The following SART1 variants were observed in gnomAD, a reference collection of about 807,000 sequenced individuals.
The protein encoded by SART1 is spliceosome associated factor 1, recruiter of U4/U6.U5 tri-snRNP.
SART1 carries 28 observed loss-of-function variants against 105.0 expected under a neutral mutation model. The observed-to-expected ratio is 0.27, with a 90% confidence interval of 0.20 to 0.37. SART1 has a LOEUF of 0.37. Ranked by LOEUF, SART1 falls within the 10% of genes least tolerant of loss-of-function variation. SART1 has a pLI of 1.00. For missense variants in SART1, 894 were observed against 1,106.5 expected (o/e 0.81, Z 2.72); for synonymous variants, 472 against 462.9 (o/e 1.02, Z -0.25).
chr11:65,967,878 C>T, intron 12 of SART1, 57 bp downstream of exon 12: 3 of 1,389,952 alleles, frequency 2.2e-6, no homozygotes, highest in Non-Finnish European at 2.9e-6. Context: ...CTCACGAGCA[C>T]CTGTGTCATA....
At chr11:65,962,757 A>AG (rs1421066508) in intron 1 of SART1, among the ~76,000 whole-genome samples, 1 of 152,212 alleles carries the variant, frequency 6.6e-6, no homozygotes, top group African/African-American at 2.4e-5. Flanking sequence ...GCTATAGGCC[A>AG]GGGGAGGGCT....
chr11:65,977,527 G>C lies in SART1; in HGVS notation c.1946-36G>C, dbSNP rs751938796. 5.7e-6 allele frequency: 9 copies of C among 1,579,418 alleles called. No homozygotes were observed. In the East Asian group the frequency reaches 9.0e-5, roughly 16 times the overall value. On this transcript the variant is annotated intron_variant, in intron 15 of 19. Transcript: ENST00000312397. ...AGGCGGCCCTGGAGCTGTGGCTCTC[G>C]AGGGGTTGGGAGTCTCACAACCCCT...
chr11:65,966,032 G>A (rs1053067936), intron 7 of SART1, 44 bp from the exon 8 acceptor site: 73 of 1,613,856 alleles, frequency 4.5e-5, no homozygotes, highest in Non-Finnish European at 6.2e-5. Context: ...CCTCTGCTGA[G>A]TTGCGGACAA....
At chr11:65,963,380 G>T (rs1234503350) in intron 1 of SART1, among the ~76,000 whole-genome samples, 1 of 152,168 alleles carries the variant, frequency 6.6e-6, no homozygotes, top group Non-Finnish European at 1.5e-5. Context: ...GGGGAGCCTG[G>T]AGAGGTTGGG....
chr11:65,979,609 A>G lies in SART1; in HGVS notation c.*579A>G, dbSNP rs116126957. 1,009 of 153,900 alleles carry G rather than the reference A, an allele frequency of 6.6e-3. 6 individuals carry two copies. The highest frequency in any genetic ancestry group is 0.022 in the African/African-American group (922 of 41,488). The allele number at this position is 153,900 out of a possible 1,614,324, so 9.5% of individuals were successfully genotyped here. ...CCGTGTACAGTGACCCAGAAAGATGAGATTCCTTGGCCTGAACTCTGTGAT... is the reference window on the plus strand; with the variant it reads ...CCGTGTACAGTGACCCAGAAAGATGGGATTCCTTGGCCTGAACTCTGTGAT... On this transcript the variant is annotated 3_prime_UTR_variant, in exon 20 of 20. Coordinates refer to ENST00000312397, the MANE Select transcript of SART1 (RefSeq NM_005146.5).
At chr11:65,972,721 A>AGACT (rs1192576675) in intron 12 of SART1, among the ~76,000 whole-genome samples, 1 of 151,776 alleles carries the variant, frequency 6.6e-6, no homozygotes, top group Non-Finnish European at 1.5e-5. Context: ...CAGCTATGAT[A>AGACT]GACTATAGCT....
Position 65,980,059 on chromosome 11 carries a change from G to T in SART1, c.*1029G>T, listed in dbSNP as rs1210732066. 6.6e-6 allele frequency among the ~76,000 whole-genome samples: 1 copy of T among 152,062 alleles called. No homozygotes were observed. Among genetic ancestry groups the T allele is most frequent in the African/African-American group, 2.4e-5 (1 of 41,376 alleles). The stretch of plus-strand genomic sequence containing the variant: ...ACCTGGGAGACACAGGCTGCAGTGG[G>T]CCCTGATTGAGCCACCACACTGCAG... On this transcript the variant is annotated 3_prime_UTR_variant, in exon 20 of 20. Transcript: ENST00000312397.
At position 65,965,828 on chromosome 11, in the gene SART1, C is replaced by T. The variant is rs143497003; in HGVS notation, c.738+49C>T. On this transcript the variant is annotated intron_variant, in intron 6 of 19. Coordinates refer to ENST00000312397, the MANE Select transcript of SART1 (RefSeq NM_005146.5). ...CAGGGGACACTGGTGGCCTTGCTAC[C>T]GGAATCCCGAGGTTGGGTGCGTGGA... The T allele has an allele frequency of 1.8e-4, 297 of 1,613,160 alleles. No individual in the cohort carries two copies. The African/African-American group carries it at 2.8e-3, about 15-fold the overall frequency.
At position 65,977,117 on chromosome 11, in the gene SART1, C is replaced by G; in HGVS notation, c.1945+16C>G. On this transcript the variant is annotated intron_variant, in intron 15 of 19. Coordinates refer to ENST00000312397, the MANE Select transcript of SART1 (RefSeq NM_005146.5). ...CAGAACAAAGGTAGGGAGCTCAGGG[C>G]AGCCATGACTTGGGTGGGCTTGGGT... 6.2e-7 allele frequency: 1 copy of G among 1,603,106 alleles called. No homozygotes were observed. The highest frequency in any genetic ancestry group is 2.2e-5 in the East Asian group (1 of 44,844).
At position 65,967,662 on chromosome 11, in the gene SART1, C is replaced by T. The variant is rs1417006624; in HGVS notation, c.1430-17C>T. 1 of 1,580,650 alleles carries T rather than the reference C, an allele frequency of 6.3e-7. No individual in the cohort carries two copies. The highest frequency in any genetic ancestry group is 1.1e-5 in the South Asian group (1 of 87,380). On this transcript the variant is annotated splice_polypyrimidine_tract_variant and intron_variant, in intron 11 of 19. Transcript: ENST00000312397. Reference sequence around the variant, plus strand: ...GGAGGAGATGGTCTGAGCAGGCATCCCCTGTGTTTCCCCCAGAGGAAGGTG... The same window carrying T: ...GGAGGAGATGGTCTGAGCAGGCATCTCCTGTGTTTCCCCCAGAGGAAGGTG...
chr11:65,976,477 T>C lies in SART1; in HGVS notation c.1655T>C (p.Val552Ala). 1 of 1,575,390 alleles carries C rather than the reference T, an allele frequency of 6.3e-7. No individual in the cohort carries two copies. The highest frequency in any genetic ancestry group is 8.6e-7 in the Non-Finnish European group (1 of 1,161,276). ...GATCCCGAGCGGAAGGGGGCCATCG[T>C]GTTCAACGCCACGTCCGAGTTCTGC... ...DEDPERKGAIVFNATSEFCRT... is the reference protein window; with the variant it reads ...DEDPERKGAIAFNATSEFCRT... The change falls in exon 13 of 20, where the codon GTG (valine) becomes GCG (alanine). Residue 552 changes from valine to alanine, a missense_variant. Transcript: ENST00000312397. This position sits in a 1 kb window ranked among gnomAD's most constrained non-coding sequence, Gnocchi z 5.1.
chr11:65,967,863 C>T (rs896786824), intron 12 of SART1, 42 bp downstream of exon 12: 7 of 1,448,706 alleles, frequency 4.8e-6, no homozygotes, highest in East Asian at 2.5e-5. Context: ...CAGCAGTCAC[C>T]TGTCCTCACG....
Position 65,976,384 on chromosome 11 carries a change from C to T in SART1, c.1573-11C>T. 2 of 1,524,070 alleles carry T rather than the reference C, an allele frequency of 1.3e-6. No homozygotes were observed. Among genetic ancestry groups the T allele is most frequent in the African/African-American group, 1.4e-5 (1 of 71,970 alleles). 94.4% of individuals were successfully genotyped at this position (1,524,070 alleles called of 1,614,324 possible). A position where few individuals can be genotyped will look rare whatever the true frequency, so the allele number is the denominator to read the frequency against. On this transcript the variant is annotated splice_polypyrimidine_tract_variant and intron_variant, in intron 12 of 19. Transcript: ENST00000312397. This position sits in a 1 kb window ranked among gnomAD's most constrained non-coding sequence, Gnocchi z 5.1. ...ACTGCTGGGTTTGCCCACAGCCGCT[C>T]CCTCCCCCAGGTGGTGGAGATTGTG...
Position 65,962,047 on chromosome 11 carries a change from C to T in SART1, c.267C>T (p.Ser89=), listed in dbSNP as rs766048167. The T allele has an allele frequency of 1.4e-6, 2 of 1,396,136 alleles. No homozygotes were observed. The highest frequency in any genetic ancestry group is 2.5e-5 in the South Asian group (2 of 78,876). 86.5% of individuals were successfully genotyped at this position (1,396,136 alleles called of 1,614,324 possible). Residue 89 remains serine, a synonymous_variant, in exon 1 of 20, where the codon TCC becomes TCT. Coordinates refer to ENST00000312397, the MANE Select transcript of SART1 (RefSeq NM_005146.5). ...GGGAGCGCAGCCAGGCAGAGCCCTCCGAGCGGCGCGTGAAGCGGGAGAAGC... is the reference window on the plus strand; with the variant it reads ...GGGAGCGCAGCCAGGCAGAGCCCTCTGAGCGGCGCGTGAAGCGGGAGAAGC... ...HGRERSQAEP[S]ERRVKREKRD...
chr11:65,977,506 G>A (rs1036299640), intron 15 of SART1, 57 bp from the exon 16 acceptor site: 3 of 1,464,090 alleles, frequency 2.0e-6, no homozygotes, highest in Non-Finnish European at 2.9e-6. Context: ...CTTCTCAGGC[G>A]GCCCTGGAGC....
intron 12 of SART1, among the ~76,000 whole-genome samples, chr11:65,969,496 C>T (rs972089677): frequency 3.3e-5 from 5 of 152,194 alleles, no homozygotes; most frequent in African/African-American, 1.2e-4. Context: ...GTTGCCCAGG[C>T]TGGAGTGCAG....
intron 9 of SART1, 49 bp from the exon 10 acceptor site, chr11:65,967,210 C>T (rs1855277139): frequency 6.2e-7 from 1 of 1,600,420 alleles, no homozygotes; most frequent in African/African-American, 1.3e-5. Context: ...CTTGTGGCGA[C>T]CTGCCTTTCT....
rs200211612 is a variant in SART1, at chr11:65,967,574, A to G, written c.1417A>G (p.Ile473Val). ...CGACACCCGAGTGGAGAACATGGAC[A>G]TCAGTGATGAGGGTGAGGGCCCGGC... ...SDDTRVENMD[I>V]SDEEEGGAPP... The change falls in exon 11 of 20, where the codon ATC becomes GTC. Residue 473 changes from isoleucine to valine, a missense_variant. By Grantham distance (29) the Ile-to-Val change is conservative. Around this residue, in one of 2 missense-constraint regions of SART1, gnomAD observed 712 missense variants for 778.2 expected, o/e 0.91. Transcript: ENST00000312397. 1.9e-6 allele frequency: 3 copies of G among 1,612,580 alleles called. No individual in the cohort carries two copies. Among genetic ancestry groups the G allele is most frequent in the East Asian group, 4.5e-5 (2 of 44,872 alleles).
At chr11:65,970,157 CTT>C (rs538778894) in intron 12 of SART1, among the ~76,000 whole-genome samples, 107 of 152,114 alleles carry the variant, frequency 7.0e-4, no homozygotes, top group Non-Finnish European at 1.3e-3. Context: ...TTTTCTTTCT[CTT>C]CTTTTTTTCC....
Sources: gnomAD v4.1 joint callset for allele counts (sites outside exome capture counted in the v4.1 genomes callset) on GRCh38, gnomAD v4.1.1 for gene constraint, gnomAD v4.1.1 regional missense constraint, Gnocchi (gnomAD v3.1) non-coding constraint, MANE v1.5 for transcripts, NCBI Gene and HGNC (gene_info 2026-07-23, HGNC 2026-07-21) for gene names.